LAMB4: variants seen among roughly 807,000 people sequenced by gnomAD.
LAMB4 encodes laminin subunit beta-4.
A neutral mutation model predicts 199.2 loss-of-function variants in LAMB4; 196 were observed. The observed-to-expected ratio is 0.98, with a 90% confidence interval of 0.88 to 1.11. The LOEUF (loss-of-function observed/expected upper bound fraction) is 1.11, where lower values mean the gene tolerates loss of function less well. Among genes scored for constraint, LAMB4 ranks in the 50% least tolerant of loss-of-function variants. The probability of loss-of-function intolerance (pLI) is 0.00; values close to 1 mark genes in which losing one functional copy is unlikely to be tolerated. For synonymous variants in LAMB4, 744 were observed against 770.6 expected (o/e 0.97, Z 0.57); for missense variants, 2,080 against 2,171.2 (o/e 0.96, Z 0.83).
chr7:108,118,821 C>T (rs925199974), intron 2 of LAMB4, among the ~76,000 whole-genome samples: 5 of 151,446 alleles, frequency 3.3e-5, no homozygotes, highest in Non-Finnish European at 7.4e-5. Context: ...AAAACTTTTG[C>T]TCTGAGAAAG....
intron 23 of LAMB4, among the ~76,000 whole-genome samples, chr7:108,058,945 T>C (rs1247967934): frequency 6.6e-6 from 1 of 152,078 alleles, no homozygotes; most frequent in Non-Finnish European, 1.5e-5. Flanking sequence ...ACACCTGGCC[T>C]GGATCTGCCA....
chr7:108,097,972 T>G (rs2037675292), intron 11 of LAMB4, among the ~76,000 whole-genome samples: 1 of 152,182 alleles, frequency 6.6e-6, no homozygotes, highest in Non-Finnish European at 1.5e-5. Flanking sequence ...CACTAACCGC[T>G]TAGGATTTAC....
chr7:108,015,683 T>G, the LAMB4 span, among the ~76,000 whole-genome samples: 2 of 152,034 alleles, frequency 1.3e-5, no homozygotes, highest in Non-Finnish European at 2.9e-5. Context: ...CACCTAAAAT[T>G]TAGCCTACTT....
intron 30 of LAMB4, among the ~76,000 whole-genome samples, chr7:108,036,452 T>C (rs1474412234): frequency 1.3e-5 from 2 of 152,140 alleles, no homozygotes; most frequent in East Asian, 1.9e-4. Flanking sequence ...CCTCCTAAAG[T>C]GCTGGGATTA....
chr7:108,048,102 CT>C lies in LAMB4; in HGVS notation c.4131del (p.Asp1378IlefsTer35), dbSNP rs749180031. The C allele has an allele frequency of 1.9e-6, 3 of 1,611,036 alleles. No individual in the cohort carries two copies. Among genetic ancestry groups the C allele is most frequent in the Non-Finnish European group, 2.5e-6 (3 of 1,178,280 alleles). On this transcript the variant is annotated frameshift_variant, in exon 28 of 34. Coordinates refer to ENST00000388781, the MANE Select transcript of LAMB4 (RefSeq NM_007356.3). LOFTEE classifies it high-confidence loss of function. ...GGCACACATGGCACATTTCCTGGATCTCCGCACACCTTGCAAGAGAAATGAT... is the reference window on the plus strand; with the variant it reads ...GGCACACATGGCACATTTCCTGGATCCCGCACACCTTGCAAGAGAAATGAT... ...DIQILNEKVC[G>X]DPGNVPCVPL...
At chr7:108,072,703 G>A (rs1584685845) in intron 17 of LAMB4, among the ~76,000 whole-genome samples, 1 of 152,100 alleles carries the variant, frequency 6.6e-6, no homozygotes, top group African/African-American at 2.4e-5. Flanking sequence ...GGCAGGGATA[G>A]TACATGTCTT....
At chr7:108,025,987 G>A (rs2034823607) in intron 33 of LAMB4, among the ~76,000 whole-genome samples, 1 of 152,152 alleles carries the variant, frequency 6.6e-6, no homozygotes, top group African/African-American at 2.4e-5. Context: ...CAGAGGATAG[G>A]AGGATGAGCA....
In LAMB4 at chr7:108,068,051, G is replaced by A. The variant is rs1280048695; in HGVS notation, c.2411C>T (p.Thr804Ile). 6.2e-6 allele frequency: 10 copies of A among 1,614,144 alleles called. No homozygotes were observed. Among genetic ancestry groups the A allele is most frequent in the Middle Eastern group, 1.6e-4 (1 of 6,062 alleles). ...GTGATGCCCCAAATCATAGCTTCCA[G>A]TTGAGCACCTGTCACAGCAGCGCCC... ...VVGRCCDRCS[T>I]GSYDLGHHGC... The change falls in exon 19 of 34, where the codon ACT (threonine) becomes ATT (isoleucine). Residue 804 changes from threonine to isoleucine, a missense_variant. Coordinates refer to ENST00000388781, the MANE Select transcript of LAMB4 (RefSeq NM_007356.3).
At chr7:108,102,854 A>G (rs2037861563) in intron 10 of LAMB4, among the ~76,000 whole-genome samples, 190 bp downstream of exon 10, 1 of 152,180 alleles carries the variant, frequency 6.6e-6, no homozygotes, top group Non-Finnish European at 1.5e-5. Flanking sequence ...GGACAGACAC[A>G]GATTATTTGG....
chr7:108,064,048 T>C (rs999820682), intron 21 of LAMB4, 63 bp from the exon 22 acceptor site: 1 of 1,182,218 alleles, frequency 8.5e-7, no homozygotes, highest in African/African-American at 1.5e-5. Context: ...GAGGAGGAGA[T>C]GGATGTTGTA....
At position 108,106,531 on chromosome 7, in the gene LAMB4, G is replaced by T. The variant is rs1276779178; in HGVS notation, c.633C>A (p.Asn211Lys). The change falls in exon 7 of 34, where the codon AAC (asparagine) becomes AAA (lysine). Residue 211 changes from asparagine (N) to lysine (K), a missense_variant. Physicochemically the swap from Asn to Lys is moderately conservative, Grantham distance 94. Coordinates refer to ENST00000388781, the MANE Select transcript of LAMB4 (RefSeq NM_007356.3). ...KVLDPSFEIE[N>K]PYSPYIQDLV... is the part of the protein sequence containing the mutation. ...TACCTTGGATGTAGGGGCTATAAGG[G>T]TTTTCAATTTCAAAACTGGGATCCA... 2.5e-6 allele frequency: 4 copies of T among 1,583,370 alleles called. No homozygotes were observed. The highest frequency in any genetic ancestry group is 3.5e-6 in the Non-Finnish European group (4 of 1,154,232).
chr7:108,080,991 G>A (rs1053104948), intron 14 of LAMB4, among the ~76,000 whole-genome samples: 2 of 151,774 alleles, frequency 1.3e-5, no homozygotes, highest in Non-Finnish European at 2.9e-5. Flanking sequence ...GAGTGGTGGT[G>A]TGCGCTTGTA....
At chr7:108,016,248 A>T in the LAMB4 span, among the ~76,000 whole-genome samples, 1 of 149,108 alleles carries the variant, frequency 6.7e-6, no homozygotes, top group African/African-American at 2.5e-5. Flanking sequence ...AGGACGAGGG[A>T]ATTTTTCAAA....
intron 29 of LAMB4, among the ~76,000 whole-genome samples, chr7:108,040,016 C>T (rs191830087): frequency 3.3e-4 from 50 of 152,220 alleles, no homozygotes; most frequent in African/African-American, 9.9e-4. Flanking sequence ...TAGAAAACCC[C>T]GTAGCCTTGG....
Position 108,024,054 on chromosome 7 carries a change from A to G in LAMB4, c.5271T>C (p.Ala1757=), listed in dbSNP as rs957896732. 7 of 1,609,276 alleles carry G rather than the reference A, an allele frequency of 4.3e-6. No homozygotes were observed. Among genetic ancestry groups the G allele is most frequent in the African/African-American group, 4.0e-5 (3 of 74,648 alleles). Residue 1757 remains alanine, a synonymous_variant, in exon 34 of 34, where the codon GCT becomes GCC. Coordinates refer to ENST00000388781, the MANE Select transcript of LAMB4 (RefSeq NM_007356.3). ...NEIVEQEKKY[A]RCYS The stretch of plus-strand genomic sequence containing the variant: ...TTAACTCTGCCTAGCTATAGCACCT[A>G]GCATATTTTTTTTCTTGTTCAACAA...
chr7:108,015,222 G>GTGTCTAACACAAAGCTAAACC, the LAMB4 span, among the ~76,000 whole-genome samples: 3 of 152,266 alleles, frequency 2.0e-5, no homozygotes, highest in South Asian at 6.2e-4. Flanking sequence ...ACAATGCAGT[G>GTGTCTAACACAAAGCTAAACC]TGTCTAACAC....
intron 14 of LAMB4, among the ~76,000 whole-genome samples, chr7:108,080,525 T>A (rs1426574496): frequency 1.3e-5 from 2 of 152,174 alleles, no homozygotes; most frequent in Non-Finnish European, 2.9e-5. Context: ...CAACCAAGCA[T>A]CTCAAACTCT....
Position 108,079,689 on chromosome 7 carries a change from C to CT in LAMB4, c.1798dup (p.Arg600LysfsTer28), listed in dbSNP as rs1374536897. 1.2e-6 allele frequency: 2 copies of CT among 1,613,060 alleles called. No individual in the cohort carries two copies. The highest frequency in any genetic ancestry group is 2.7e-5 in the African/African-American group (2 of 74,914). ...TCTCAAGCCAGCCCCAGGGAGAACCCTGGCAAATCCAGGTCCAGTCCATGT... is the reference window on the plus strand; with the variant it reads ...TCTCAAGCCAGCCCCAGGGAGAACCCTTGGCAAATCCAGGTCCAGTCCATGT... On this transcript the variant is annotated frameshift_variant, in exon 15 of 34. Coordinates refer to ENST00000388781, the MANE Select transcript of LAMB4 (RefSeq NM_007356.3). LOFTEE classifies it high-confidence loss of function.
intron 17 of LAMB4, among the ~76,000 whole-genome samples, chr7:108,071,364 C>A (rs1384335036): frequency 6.6e-6 from 1 of 152,224 alleles, no homozygotes; most frequent in Admixed American, 6.5e-5. Flanking sequence ...TAACTCCACA[C>A]CTACTTCCTA....
Sources: gnomAD v4.1 joint callset for allele counts (sites outside exome capture counted in the v4.1 genomes callset) on GRCh38, gnomAD v4.1.1 for gene constraint, MANE v1.5 for transcripts, NCBI Gene and HGNC (gene_info 2026-07-23, HGNC 2026-07-21) for gene names.